The following MBD5 variants were observed in gnomAD, a reference collection of about 807,000 sequenced individuals.
MBD5 encodes the protein methyl-CpG-binding domain protein 5.
A neutral mutation model predicts 117.3 loss-of-function variants in MBD5; 13 were observed. That is an observed-to-expected ratio of 0.11 (90% CI 0.07 to 0.18). The LOEUF is 0.18. Ranked by LOEUF, MBD5 falls within the 10% of genes least tolerant of loss-of-function variation. The probability of loss-of-function intolerance (pLI) is 1.00; values close to 1 mark genes in which losing one functional copy is unlikely to be tolerated. For synonymous variants in MBD5, 727 were observed against 766.4 expected (o/e 0.95, Z 0.85); for missense variants, 1,879 against 2,093.8 (o/e 0.90, Z 2.00).
intron 4 of MBD5, among the ~76,000 whole-genome samples, chr2:148,392,173 A>G (rs1021591580): frequency 1.3e-5 from 2 of 152,190 alleles, no homozygotes; most frequent in Non-Finnish European, 2.9e-5. Context: ...AAGACATGGT[A>G]TCACATTTCA....
intron 4 of MBD5, among the ~76,000 whole-genome samples, chr2:148,370,017 A>G (rs573539168): frequency 4.1e-4 from 62 of 152,290 alleles, no homozygotes; most frequent in African/African-American, 1.5e-3. Flanking sequence ...GAAGTGTAAC[A>G]AAAGCTTCAT....
intron 11 of MBD5, among the ~76,000 whole-genome samples, chr2:148,496,090 G>C (rs796979950): frequency 6.6e-6 from 1 of 152,142 alleles, no homozygotes; most frequent in South Asian, 2.1e-4. Flanking sequence ...AATGTTCTTG[G>C]TGTATTCACT....
At chr2:148,104,507 T>C (rs11897385) in intron 1 of MBD5, among the ~76,000 whole-genome samples, 2,267 of 152,298 alleles carry the variant, frequency 0.015, 58 homozygotes, top group African/African-American at 0.052. Flanking sequence ...AAACAAAAAA[T>C]GATTGTCATT....
At chr2:148,496,300 A>C (rs964606427) in intron 11 of MBD5, among the ~76,000 whole-genome samples, 1 of 152,212 alleles carries the variant, frequency 6.6e-6, no homozygotes, top group South Asian at 2.1e-4. Flanking sequence ...CAATAAAGTC[A>C]ATTCCTGATC....
chr2:148,504,199 T>TA (rs1681956827), intron 12 of MBD5, among the ~76,000 whole-genome samples: 1 of 152,240 alleles, frequency 6.6e-6, no homozygotes, highest in African/African-American at 2.4e-5. Context: ...ACCATAAACT[T>TA]AAAGTACAGT....
At chr2:148,202,253 G>A (rs968264828) in intron 2 of MBD5, among the ~76,000 whole-genome samples, 1 of 152,156 alleles carries the variant, frequency 6.6e-6, no homozygotes, top group Non-Finnish European at 1.5e-5. Context: ...AATAAAGCAT[G>A]GTAAATAGAT....
intron 3 of MBD5, among the ~76,000 whole-genome samples, chr2:148,341,509 CTATA>C (rs1312212525): frequency 6.6e-6 from 1 of 151,794 alleles, no homozygotes; most frequent in Non-Finnish European, 1.5e-5. Flanking sequence ...ATTATAAAGG[CTATA>C]TAGAGATATT....
At chr2:148,336,353 CCCCTATCTCCTATTTGTAT>C (rs1702787785) in intron 3 of MBD5, among the ~76,000 whole-genome samples, 1 of 152,020 alleles carries the variant, frequency 6.6e-6, no homozygotes, top group Non-Finnish European at 1.5e-5. Context: ...TAAGATTCTA[CCCCTATCTCCTATTTGTAT>C]CCCTTCTACT....
rs865819420 is a variant in MBD5, at chr2:148,149,113, C to G, written c.-924-29587C>G. Among the ~76,000 whole-genome samples the G allele has an allele frequency of 7.2e-3, 1,070 of 149,226 alleles. 2 individuals are homozygous for G. Among genetic ancestry groups the G allele is most frequent in the Non-Finnish European group, 0.01 (673 of 67,272 alleles). On this transcript the variant is annotated intron_variant, in intron 1 of 13. Transcript: ENST00000642680. ...ACTCCCCCCACCCCACAACAGTCCC[C>G]AGAGTGTGATATTCCCCTTCCTGTG... is the stretch of plus-strand genomic sequence containing the variant.
chr2:148,444,134 T>C (rs916387220), intron 4 of MBD5, among the ~76,000 whole-genome samples: 2 of 149,740 alleles, frequency 1.3e-5, no homozygotes, highest in African/African-American at 2.5e-5. Flanking sequence ...AGTGGAAATA[T>C]TATTTATTCA....
chr2:148,079,767 G>T (rs759788801), intron 1 of MBD5, among the ~76,000 whole-genome samples: 1 of 151,938 alleles, frequency 6.6e-6, no homozygotes, highest in East Asian at 1.9e-4. Flanking sequence ...TGAGGTAGTA[G>T]AATAGCTTAA....
At chr2:148,142,266 G>A (rs1301956807) in intron 1 of MBD5, among the ~76,000 whole-genome samples, 2 of 152,064 alleles carry the variant, frequency 1.3e-5, no homozygotes, top group African/African-American at 2.4e-5. Context: ...TATCCAGCAC[G>A]ATAAATAATA....
intron 1 of MBD5, among the ~76,000 whole-genome samples, chr2:148,078,589 G>A (rs1385766692): frequency 6.6e-6 from 1 of 152,074 alleles, no homozygotes; most frequent in East Asian, 1.9e-4. Flanking sequence ...TGAACTGCTC[G>A]ACCACATAGT....
In MBD5 at chr2:148,464,031, T is replaced by C. The variant is rs76223003; in HGVS notation, c.397+112T>C. On this transcript the variant is annotated intron_variant, in intron 7 of 13. Coordinates refer to ENST00000642680, the MANE Select transcript of MBD5 (RefSeq NM_001378120.1). Reference sequence around the variant, plus strand: ...CTACTTTTCAGGCACGCACAATGCTTTTAAAATTCTGTATGTCCTGTAATT... The same window carrying C: ...CTACTTTTCAGGCACGCACAATGCTCTTAAAATTCTGTATGTCCTGTAATT... The C allele has an allele frequency of 7.3e-3, 7,835 of 1,076,034 alleles. 40 individuals are homozygous for C. Among genetic ancestry groups the C allele is most frequent in the Non-Finnish European group, 9.0e-3 (6,805 of 754,726 alleles). 66.7% of individuals were successfully genotyped at this position (1,076,034 alleles called of 1,614,324 possible). A position where few individuals can be genotyped will look rare whatever the true frequency, so the allele number is the denominator to read the frequency against.
chr2:148,068,096 T>G lies in MBD5; in HGVS notation c.-925+46412T>G, dbSNP rs77708179. Among the ~76,000 whole-genome samples, 116 of 152,338 alleles carry G rather than the reference T, an allele frequency of 7.6e-4. 1 individual carries two copies. The East Asian group carries it at 9.8e-3, about 13-fold the overall frequency. On this transcript the variant is annotated intron_variant, in intron 1 of 13. Transcript: ENST00000642680. Reference sequence around the variant, plus strand: ...TCTGGCAGCTGTGGCCATTGAGTTGTTACAAGAAATATTGGCTCTGGTGGG... The same window carrying G: ...TCTGGCAGCTGTGGCCATTGAGTTGGTACAAGAAATATTGGCTCTGGTGGG...
At chr2:148,203,961 A>G (rs1208572820) in intron 2 of MBD5, among the ~76,000 whole-genome samples, 1 of 152,170 alleles carries the variant, frequency 6.6e-6, no homozygotes, top group East Asian at 1.9e-4. Flanking sequence ...CTAATTTTGC[A>G]TCCCCTTTTG....
At chr2:148,357,681 CA>C (rs774708361) in intron 4 of MBD5, among the ~76,000 whole-genome samples, 9 of 151,940 alleles carry the variant, frequency 5.9e-5, no homozygotes, top group Non-Finnish European at 1.3e-4. Flanking sequence ...TATGATGGTC[CA>C]CATGGGCTGG....
chr2:148,439,387 G>A (rs928634230), intron 4 of MBD5, among the ~76,000 whole-genome samples: 1 of 152,136 alleles, frequency 6.6e-6, no homozygotes, highest in African/African-American at 2.4e-5. Context: ...AGTTTGCAAT[G>A]ATAAGTTAAT....
At chr2:148,163,837 AAGTTG>A (rs1230221812) in intron 1 of MBD5, among the ~76,000 whole-genome samples, 4 of 152,184 alleles carry the variant, frequency 2.6e-5, no homozygotes, top group African/African-American at 9.6e-5. Context: ...AGACTTTATA[AAGTTG>A]AGTTGAGATA....
Sources: allele counts gnomAD v4.1 joint callset (sites outside exome capture counted in the v4.1 genomes callset), GRCh38; gene constraint gnomAD v4.1.1; transcripts MANE v1.5; gene names NCBI Gene and HGNC (gene_info 2026-07-23, HGNC 2026-07-21).